CNTLN: variants seen among roughly 807,000 people sequenced by gnomAD.
CNTLN encodes centlein, also known as centlein, centrosomal protein.
Under a neutral mutation model 180.0 loss-of-function variants are expected in CNTLN, and 212 were observed. The observed-to-expected ratio is 1.18, with a 90% CI of 1.05 to 1.32. The LOEUF (loss-of-function observed/expected upper bound fraction) is 1.32, where lower values mean the gene tolerates loss of function less well. CNTLN is among the 40% of genes most tolerant of loss of function. CNTLN has a pLI of 0.00. For synonymous variants in CNTLN, 722 were observed against 563.1 expected (o/e 1.28, Z -3.99); for missense variants, 2,095 against 1,610.9 (o/e 1.30, Z -5.14).
intron 10 of CNTLN, among the ~76,000 whole-genome samples, chr9:17,339,221 A>G (rs1399339601): frequency 6.6e-6 from 1 of 152,212 alleles, no homozygotes; most frequent in Non-Finnish European, 1.5e-5. Flanking sequence ...TGAAAGTAGA[A>G]TGACAGACTA....
intron 2 of CNTLN, among the ~76,000 whole-genome samples, chr9:17,176,562 A>G (rs1034130002): frequency 1.3e-5 from 2 of 152,160 alleles, no homozygotes; most frequent in Non-Finnish European, 1.5e-5. Context: ...TTATTGTACT[A>G]TCTTTGGTTT....
At chr9:17,438,378 C>G (rs2134023556) in intron 18 of CNTLN, among the ~76,000 whole-genome samples, 1 of 151,902 alleles carries the variant, frequency 6.6e-6, no homozygotes, top group South Asian at 2.1e-4. Context: ...GTTATAATCC[C>G]AAAAGTTTGA....
chr9:17,311,318 C>A (rs921117395), intron 8 of CNTLN, among the ~76,000 whole-genome samples: 1 of 151,908 alleles, frequency 6.6e-6, no homozygotes, highest in Non-Finnish European at 1.5e-5. Context: ...AGCCACCGTG[C>A]CTGGCCACCT....
At chr9:17,335,900 C>T (rs113718675) in intron 10 of CNTLN, among the ~76,000 whole-genome samples, 3 of 143,764 alleles carry the variant, frequency 2.1e-5, no homozygotes, top group African/African-American at 7.7e-5. Context: ...TGAGATCCTG[C>T]CACTACATTC....
In CNTLN at chr9:17,502,774, A is replaced by T. The variant is rs1318029338; in HGVS notation, c.*122A>T. The T allele has an allele frequency of 2.4e-6, 1 of 423,122 alleles. No homozygotes were observed. Among genetic ancestry groups the T allele is most frequent in the Admixed American group, 4.8e-5 (1 of 20,972 alleles). The allele number at this position is 423,122 out of a possible 1,614,324, so 26.2% of individuals were successfully genotyped here. A position where few individuals can be genotyped will look rare whatever the true frequency, so the allele number is the denominator to read the frequency against. ...TATCAATAGTCAGGTTCAATACCAA[A>T]ATAAGAAGTCTCTGAAAATAATTAA... is the stretch of plus-strand genomic sequence containing the variant. On this transcript the variant is annotated 3_prime_UTR_variant, in exon 26 of 26. Coordinates refer to ENST00000380647, the MANE Select transcript of CNTLN (RefSeq NM_017738.4).
chr9:17,142,396 G>A (rs1378596844), intron 1 of CNTLN, among the ~76,000 whole-genome samples: 2 of 152,142 alleles, frequency 1.3e-5, no homozygotes, highest in Admixed American at 1.3e-4. Context: ...TGAATAGATG[G>A]CAGTATCAAT....
At chr9:17,263,878 T>G (rs1827199004) in intron 5 of CNTLN, among the ~76,000 whole-genome samples, 1 of 139,096 alleles carries the variant, frequency 7.2e-6, no homozygotes, top group Non-Finnish European at 1.5e-5. Flanking sequence ...TCGCCCACTT[T>G]TTGATGGGGT....
At chr9:17,359,503 A>T (rs1823122355) in intron 12 of CNTLN, among the ~76,000 whole-genome samples, 1 of 151,830 alleles carries the variant, frequency 6.6e-6, no homozygotes, top group African/African-American at 2.4e-5. Context: ...CTCAGAATAT[A>T]TGAAGAATTC....
rs573229024 is a variant in CNTLN, at chr9:17,185,452, G to C, written c.450-40751G>C. Among the ~76,000 whole-genome samples, 5 of 152,266 alleles carry C rather than the reference G, an allele frequency of 3.3e-5. 1 individual carries two copies. The South Asian group carries it at 1.0e-3, about 32-fold the overall frequency. On this transcript the variant is annotated intron_variant, in intron 2 of 25. Transcript: ENST00000380647. ...TTGTTTCTAAGATAAGTCACTATTTGTCACAGCAAACGTTTTCTTTTTAAT... is the reference window on the plus strand; with the variant it reads ...TTGTTTCTAAGATAAGTCACTATTTCTCACAGCAAACGTTTTCTTTTTAAT...
intron 3 of CNTLN, among the ~76,000 whole-genome samples, chr9:17,235,090 G>T (rs988741020): frequency 5.3e-5 from 8 of 152,120 alleles, no homozygotes; most frequent in Non-Finnish European, 1.2e-4. Context: ...TGAGTCTGGG[G>T]TACATCCACC....
intron 13 of CNTLN, among the ~76,000 whole-genome samples, chr9:17,375,191 C>T (rs1002149375): frequency 6.6e-6 from 1 of 152,110 alleles, no homozygotes. Flanking sequence ...TTCACATGTT[C>T]TCACTTATTG....
rs111707274 is a variant in CNTLN at position 17,235,034 on chromosome 9, T to C, written c.535-624T>C. 3.1e-3 allele frequency among the ~76,000 whole-genome samples: 469 copies of C among 152,232 alleles called. 3 individuals are homozygous for C. Among genetic ancestry groups the C allele is most frequent in the African/African-American group, 0.011 (449 of 41,538 alleles). On this transcript the variant is annotated intron_variant, in intron 3 of 25. Coordinates refer to ENST00000380647, the MANE Select transcript of CNTLN (RefSeq NM_017738.4). ...ATCAGCAGCCAAGAGAGGTGCTACATTTTCTGAGAGAAAAGATGTACAGAG... is the reference window on the plus strand; with the variant it reads ...ATCAGCAGCCAAGAGAGGTGCTACACTTTCTGAGAGAAAAGATGTACAGAG...
chr9:17,180,890 T>G lies in CNTLN; in HGVS notation c.449+37514T>G, dbSNP rs377139160. ...ATGCCATGCCCCTTCCTTCTGGTTTTGGTGGTTTCCAGCAAGAAATCTGCT... is the reference window on the plus strand; with the variant it reads ...ATGCCATGCCCCTTCCTTCTGGTTTGGGTGGTTTCCAGCAAGAAATCTGCT... On this transcript the variant is annotated intron_variant, in intron 2 of 25. Coordinates refer to ENST00000380647, the MANE Select transcript of CNTLN (RefSeq NM_017738.4). 7.2e-5 allele frequency among the ~76,000 whole-genome samples: 11 copies of G among 152,312 alleles called. No homozygotes were observed. The East Asian group carries it at 9.6e-4, about 13-fold the overall frequency.
chr9:17,524,898 C>T, the CNTLN span, among the ~76,000 whole-genome samples: 1 of 152,258 alleles, frequency 6.6e-6, no homozygotes, highest in African/African-American at 2.4e-5. Flanking sequence ...TCTTACTGTC[C>T]ACTTGTCCTG....
intron 6 of CNTLN, among the ~76,000 whole-genome samples, chr9:17,279,667 C>G (rs977611758): frequency 1.9e-4 from 28 of 151,038 alleles, no homozygotes; most frequent in South Asian, 2.1e-4. Context: ...AGCAGCTGCT[C>G]GAAACCCTCT....
At chr9:17,377,857 T>A (rs901224608) in intron 13 of CNTLN, among the ~76,000 whole-genome samples, 2 of 152,212 alleles carry the variant, frequency 1.3e-5, no homozygotes, top group Admixed American at 6.5e-5. Flanking sequence ...GAAAATTTAC[T>A]TTTTTCAACT....
At chr9:17,307,840 A>G (rs1818826775) in intron 7 of CNTLN, among the ~76,000 whole-genome samples, 1 of 152,120 alleles carries the variant, frequency 6.6e-6, no homozygotes, top group African/African-American at 2.4e-5. Context: ...GGCAAGGCAA[A>G]CTGATGGAAG....
Position 17,332,662 on chromosome 9 carries a change from G to T in CNTLN, c.1576G>T (p.Glu526Ter), listed in dbSNP as rs1820723428. The change falls in exon 10 of 26, where the codon GAA becomes TAA. Residue 526 changes from glutamate (E) to a stop codon, truncating the protein, a stop_gained. Coordinates refer to ENST00000380647, the MANE Select transcript of CNTLN (RefSeq NM_017738.4). LOFTEE classifies it high-confidence loss of function. ...LSPKSSFTDS[E>*]ELQKLRKAER... Reference sequence around the variant, plus strand: ...CCCAAAGAGCTCTTTCACAGACTCAGAAGAGCTACAGAAGCTGAGAAAAGC... The same window carrying T: ...CCCAAAGAGCTCTTTCACAGACTCATAAGAGCTACAGAAGCTGAGAAAAGC... The T allele has an allele frequency of 6.2e-7, 1 of 1,608,990 alleles. No individual in the cohort carries two copies. Among genetic ancestry groups the T allele is most frequent in the South Asian group, 1.1e-5 (1 of 90,152 alleles).
At position 17,332,602 on chromosome 9, in the gene CNTLN, G is replaced by T; in HGVS notation, c.1519-3G>T. The T allele has an allele frequency of 1.3e-6, 2 of 1,598,560 alleles. No individual in the cohort carries two copies. The highest frequency in any genetic ancestry group is 1.7e-6 in the Non-Finnish European group (2 of 1,173,754). ...TCAACCATGTCCTTGTTTTATTCTCGAGGAACCACCTGTGAAACGTTCAAG... is the reference window on the plus strand; with the variant it reads ...TCAACCATGTCCTTGTTTTATTCTCTAGGAACCACCTGTGAAACGTTCAAG... On this transcript the variant is annotated splice_polypyrimidine_tract_variant and splice_region_variant and intron_variant, in intron 9 of 25. Coordinates refer to ENST00000380647, the MANE Select transcript of CNTLN (RefSeq NM_017738.4).
Sources: allele counts gnomAD v4.1 joint callset (sites outside exome capture counted in the v4.1 genomes callset), GRCh38; gene constraint gnomAD v4.1.1; transcripts MANE v1.5; gene names NCBI Gene and HGNC (gene_info 2026-07-23, HGNC 2026-07-21).